The following DCDC1 variants were observed in gnomAD, a reference collection of about 807,000 sequenced individuals.
The protein encoded by DCDC1 is doublecortin domain containing 1.
Under a neutral mutation model 178.3 loss-of-function variants are expected in DCDC1, and 200 were observed. The ratio of observed to expected loss-of-function variants is 1.12; its 90% CI spans 1.00 to 1.26. The LOEUF (loss-of-function observed/expected upper bound fraction) is 1.26. Among genes scored for constraint, DCDC1 ranks in the 50% most tolerant of loss-of-function variants. The pLI, the probability that DCDC1 is intolerant of heterozygous loss-of-function variation, is 0.00. For synonymous variants in DCDC1, 690 were observed against 604.8 expected, an observed-to-expected ratio of 1.14 and a Z score of -2.07; for missense variants, 1,983 against 1,749.2, an observed-to-expected ratio of 1.13 and a Z score of -2.38.
intron 9 of DCDC1, among the ~76,000 whole-genome samples, chr11:31,183,383 TAACA>T (rs1401462981): frequency 3.3e-5 from 5 of 152,126 alleles, no homozygotes; most frequent in African/African-American, 1.2e-4. Context: ...ATGGAAATCA[TAACA>T]AACAGTCTCT....
At chr11:30,914,331 C>T (rs528778285) in intron 27 of DCDC1, among the ~76,000 whole-genome samples, 59 of 152,378 alleles carry the variant, frequency 3.9e-4, no homozygotes, top group Middle Eastern at 6.8e-3. Flanking sequence ...CAGCTCCTCT[C>T]CTGCCCAGGC....
chr11:30,909,571 AT>A (rs1945305577), intron 28 of DCDC1, among the ~76,000 whole-genome samples: 1 of 152,270 alleles, frequency 6.6e-6, no homozygotes, highest in African/African-American at 2.4e-5. Context: ...CAATAAAAAA[AT>A]CATTTTAAAG....
At chr11:31,328,095 G>T (rs945497807) in intron 3 of DCDC1, 22 bp downstream of exon 3, 1 of 1,577,974 alleles carries the variant, frequency 6.3e-7, no homozygotes, top group Admixed American at 1.8e-5. Flanking sequence ...TTTAGTTTAA[G>T]CTGCTGAAAT....
At chr11:30,956,498 T>C (rs2134528107) in intron 20 of DCDC1, among the ~76,000 whole-genome samples, 1 of 152,334 alleles carries the variant, frequency 6.6e-6, no homozygotes, top group South Asian at 2.1e-4. Flanking sequence ...CACAACATAG[T>C]TGTATCCTTT....
intron 21 of DCDC1, chr11:30,944,095 A>C (rs1261369108): frequency 3.9e-6 from 1 of 253,674 alleles, no homozygotes; most frequent in South Asian, 4.6e-5. Context: ...CAATCAGCCC[A>C]GCTGATCTTT....
chr11:31,316,118 T>G (rs1212454199), intron 3 of DCDC1, among the ~76,000 whole-genome samples: 2 of 91,448 alleles, frequency 2.2e-5, no homozygotes, highest in Non-Finnish European at 4.1e-5. Context: ...TAAACATACG[T>G]GTGCATGTGT....
At chr11:31,178,885 G>A (rs1968423597) in intron 9 of DCDC1, among the ~76,000 whole-genome samples, 1 of 152,020 alleles carries the variant, frequency 6.6e-6, no homozygotes, top group African/African-American at 2.4e-5. Context: ...TAGAGACGTG[G>A]TTACACCATG....
chr11:31,134,500 T>A (rs1255603457), intron 10 of DCDC1, among the ~76,000 whole-genome samples: 1 of 152,224 alleles, frequency 6.6e-6, no homozygotes, highest in East Asian at 1.9e-4. Context: ...CCAACCTTCC[T>A]TTCCTCCCTC....
At chr11:31,031,328 G>A (rs2135276357) in intron 20 of DCDC1, among the ~76,000 whole-genome samples, 1 of 151,978 alleles carries the variant, frequency 6.6e-6, no homozygotes, top group Middle Eastern at 3.4e-3. Flanking sequence ...CCATATCATT[G>A]TGCTTTTCCG....
Position 31,003,710 on chromosome 11 carries a change from G to A in DCDC1, c.2592-51142C>T, listed in dbSNP as rs78561659. Among the ~76,000 whole-genome samples, 1,336 of 152,276 alleles carry A rather than the reference G, an allele frequency of 8.8e-3. 58 individuals are homozygous for A. Among genetic ancestry groups the A allele is most frequent in the East Asian group, 0.062 (322 of 5,182 alleles). On this transcript the variant is annotated intron_variant, in intron 20 of 38. Coordinates refer to ENST00000684477, the MANE Select transcript of DCDC1 (RefSeq NM_001387274.1). The stretch of plus-strand genomic sequence containing the variant: ...GAGGTGTAGTGTAGAGTGAAAACAA[G>A]AACATCTGGAAAGACAAATAGGATG...
chr11:31,134,955 T>C (rs1962938762), intron 10 of DCDC1, among the ~76,000 whole-genome samples: 1 of 152,194 alleles, frequency 6.6e-6, no homozygotes, highest in African/African-American at 2.4e-5. Flanking sequence ...ATGATCACAC[T>C]GCTTCATTCT....
Position 30,884,033 on chromosome 11 carries a change from A to ATTTTTT in DCDC1, c.5083-2731_5083-2726dup, listed in dbSNP as rs59940255. ...AAAGAAAACCAAAGCATTCTTTCTCATTTTTTTTTTTTTTTGAGACAGGGT... is the reference window on the plus strand; with the variant it reads ...AAAGAAAACCAAAGCATTCTTTCTCATTTTTTTTTTTTTTTTTTTTTGAGACAGGGT... On this transcript the variant is annotated intron_variant, in intron 36 of 38. Coordinates refer to ENST00000684477, the MANE Select transcript of DCDC1 (RefSeq NM_001387274.1). 8.2e-4 allele frequency among the ~76,000 whole-genome samples: 79 copies of ATTTTTT among 95,772 alleles called. 6 individuals are homozygous for ATTTTTT. The highest frequency in any genetic ancestry group is 2.9e-3 in the African/African-American group (65 of 22,634). The allele number at this position is 95,772 out of a possible 152,430, so 62.8% of individuals were successfully genotyped here. A position where few individuals can be genotyped will look rare whatever the true frequency, so the allele number is the denominator to read the frequency against.
intron 11 of DCDC1, among the ~76,000 whole-genome samples, chr11:31,119,146 A>C (rs986935779): frequency 2.0e-5 from 3 of 152,162 alleles, no homozygotes; most frequent in East Asian, 1.9e-4. Flanking sequence ...CTATCACATG[A>C]GATGTGTAAA....
At chr11:31,179,579 C>A (rs1451972426) in intron 9 of DCDC1, among the ~76,000 whole-genome samples, 17 of 152,128 alleles carry the variant, frequency 1.1e-4, no homozygotes, top group Admixed American at 1.1e-3. Flanking sequence ...CACAGATAGA[C>A]AAATACCATA....
chr11:31,028,797 G>T (rs1953429182), intron 20 of DCDC1, among the ~76,000 whole-genome samples: 1 of 152,006 alleles, frequency 6.6e-6, no homozygotes, highest in Non-Finnish European at 1.5e-5. Context: ...ATTAATGATA[G>T]CTCTGTATCA....
intron 21 of DCDC1, among the ~76,000 whole-genome samples, chr11:30,940,060 T>C (rs1947533415): frequency 6.6e-6 from 1 of 152,242 alleles, no homozygotes; most frequent in South Asian, 2.1e-4. Context: ...AAGTTACTTG[T>C]AATATTCTTT....
chr11:31,322,029 C>T (rs11031354), intron 3 of DCDC1, among the ~76,000 whole-genome samples: 9,927 of 152,258 alleles, frequency 0.065, 504 homozygotes, highest in Non-Finnish European at 0.1. Flanking sequence ...ATTCCTTATT[C>T]TAAATCATTT....
At chr11:31,054,259 C>T (rs1236076527) in intron 20 of DCDC1, among the ~76,000 whole-genome samples, 1 of 134,628 alleles carries the variant, frequency 7.4e-6, no homozygotes, top group Non-Finnish European at 1.6e-5. Context: ...AAAAAAAAAA[C>T]AACTTAAGAA....
At chr11:31,250,824 G>A (rs1457552736) in intron 8 of DCDC1, among the ~76,000 whole-genome samples, 3 of 151,308 alleles carry the variant, frequency 2.0e-5, no homozygotes, top group Non-Finnish European at 2.9e-5. Flanking sequence ...GCGTGATCTC[G>A]GTTCACTGCA....
Sources: gnomAD v4.1 joint callset for allele counts (sites outside exome capture counted in the v4.1 genomes callset) on GRCh38, gnomAD v4.1.1 for gene constraint, MANE v1.5 for transcripts, NCBI Gene and HGNC (gene_info 2026-07-23, HGNC 2026-07-21) for gene names.